Variants in PITPNC1 observed in about 807,000 individuals in gnomAD.
PITPNC1 encodes phosphatidylinositol transfer protein cytoplasmic 1.
In PITPNC1, 18 loss-of-function variants were observed where a neutral mutation model predicts 44.7. The ratio of observed to expected loss-of-function variants is 0.40; its 90% CI spans 0.28 to 0.60. The LOEUF (loss-of-function observed/expected upper bound fraction) is 0.60. PITPNC1 is among the 20% of genes least tolerant of loss of function. The pLI is 0.39. For synonymous variants in PITPNC1, 141 were observed against 149.6 expected (o/e 0.94, Z 0.42); for missense variants, 290 against 418.4 (o/e 0.69, Z 2.68).
intron 1 of PITPNC1, among the ~76,000 whole-genome samples, chr17:67,472,446 G>A (rs551399096): frequency 4.4e-4 from 66 of 149,032 alleles, no homozygotes; most frequent in African/African-American, 1.6e-3. Flanking sequence ...AGGAGATCGA[G>A]ACCATCCTGG....
chr17:67,435,277 A>G (rs2038922029), intron 1 of PITPNC1, among the ~76,000 whole-genome samples: 1 of 152,180 alleles, frequency 6.6e-6, no homozygotes, highest in Non-Finnish European at 1.5e-5. Flanking sequence ...GATAAAAGCC[A>G]CAGAACAGTG....
chr17:67,505,279 A>G (rs1021520012), intron 1 of PITPNC1, among the ~76,000 whole-genome samples: 2 of 152,126 alleles, frequency 1.3e-5, no homozygotes, highest in Admixed American at 6.5e-5. Context: ...TCTTCTGCCT[A>G]GTTGTTCTAT....
At chr17:67,397,396 A>G (rs2038236336) in intron 1 of PITPNC1, among the ~76,000 whole-genome samples, 1 of 152,140 alleles carries the variant, frequency 6.6e-6, no homozygotes, top group Non-Finnish European at 1.5e-5. Flanking sequence ...TCATCTCCAG[A>G]ATGGCCACCT....
chr17:67,432,275 G>T (rs1362056579), intron 1 of PITPNC1, among the ~76,000 whole-genome samples: 1 of 152,144 alleles, frequency 6.6e-6, no homozygotes, highest in Non-Finnish European at 1.5e-5. Context: ...GGATCACGAG[G>T]TCAGGAGATG....
At chr17:67,567,311 C>A (rs1288632191) in intron 4 of PITPNC1, among the ~76,000 whole-genome samples, 1 of 151,880 alleles carries the variant, frequency 6.6e-6, no homozygotes, top group South Asian at 2.1e-4. Flanking sequence ...TGGTAAACCC[C>A]GTTTCTACTA....
In PITPNC1 at chr17:67,532,969, C is replaced by T. The variant is rs538210147; in HGVS notation, c.197+19C>T. ...TCAACAGGTGAGTCATGGCAGCCTG[C>T]GTTCTGCACAGAAGCCCCCTCCCAC... On this transcript the variant is annotated intron_variant, in intron 2 of 8. Coordinates refer to ENST00000581322, the MANE Select transcript of PITPNC1 (RefSeq NM_012417.4). 119 of 1,594,430 alleles carry T rather than the reference C, an allele frequency of 7.5e-5. No individual in the cohort carries two copies. The East Asian group carries it at 2.3e-3, about 30-fold the overall frequency.
rs1306841877 is a variant in PITPNC1, at chr17:67,695,635, TATAA to T, written c.*2751_*2754del. ...ATATATATATATATATATATATAAA[TATAA>T]ATATAGTATAGTGAATCAGACACCA... On this transcript the variant is annotated 3_prime_UTR_variant, in exon 9 of 9. Coordinates refer to ENST00000581322, the MANE Select transcript of PITPNC1 (RefSeq NM_012417.4). The T allele has an allele frequency of 2.0e-5, 3 of 148,448 alleles. No homozygotes were observed. The highest frequency in any genetic ancestry group is 4.9e-5 in the African/African-American group (2 of 40,728). 9.2% of individuals were successfully genotyped at this position (148,448 alleles called of 1,614,324 possible).
intron 4 of PITPNC1, among the ~76,000 whole-genome samples, chr17:67,565,464 G>T (rs1026843903): frequency 1.1e-4 from 16 of 143,582 alleles, no homozygotes; most frequent in African/African-American, 4.1e-4. Flanking sequence ...ATGGTTTTTG[G>T]TGTGTATATT....
chr17:67,493,860 A>G (rs1459409198), intron 1 of PITPNC1, among the ~76,000 whole-genome samples: 1 of 152,254 alleles, frequency 6.6e-6, no homozygotes, highest in Non-Finnish European at 1.5e-5. Flanking sequence ...ACCAGAAAAT[A>G]ACCACAAACC....
At chr17:67,436,222 A>G (rs2038935303) in intron 1 of PITPNC1, among the ~76,000 whole-genome samples, 1 of 152,054 alleles carries the variant, frequency 6.6e-6, no homozygotes, top group Non-Finnish European at 1.5e-5. Flanking sequence ...GCTGGTCTTA[A>G]ATTCCTGGCC....
chr17:67,417,233 G>A (rs1366293537), intron 1 of PITPNC1, among the ~76,000 whole-genome samples: 2 of 152,134 alleles, frequency 1.3e-5, no homozygotes, highest in African/African-American at 4.8e-5. Flanking sequence ...CTGGGCTTGA[G>A]TGATCCTCCT....
At chr17:67,578,591 T>C (rs1424131715) in intron 5 of PITPNC1, among the ~76,000 whole-genome samples, 2 of 152,224 alleles carry the variant, frequency 1.3e-5, no homozygotes, top group Non-Finnish European at 2.9e-5. Flanking sequence ...AGTACACATC[T>C]TCTCAATGCC....
intron 1 of PITPNC1, among the ~76,000 whole-genome samples, chr17:67,400,889 AC>A (rs1323168612): frequency 6.6e-6 from 1 of 151,768 alleles, no homozygotes; most frequent in Admixed American, 6.6e-5. Flanking sequence ...ATTGTTCGTT[AC>A]GCTTTCACCT....
intron 4 of PITPNC1, among the ~76,000 whole-genome samples, chr17:67,574,717 G>A (rs1185043501): frequency 6.6e-6 from 1 of 152,152 alleles, no homozygotes; most frequent in Non-Finnish European, 1.5e-5. Flanking sequence ...CAGAGCCACA[G>A]ATAATTCTGA....
chr17:67,420,621 G>A (rs2038659324), intron 1 of PITPNC1, among the ~76,000 whole-genome samples: 1 of 151,746 alleles, frequency 6.6e-6, no homozygotes, highest in African/African-American at 2.4e-5. Context: ...TAGTAGAGAC[G>A]GGGTTTTGCT....
chr17:67,541,441 G>T (rs2040606256), intron 2 of PITPNC1, among the ~76,000 whole-genome samples: 1 of 149,214 alleles, frequency 6.7e-6, no homozygotes, highest in Non-Finnish European at 1.5e-5. Context: ...GGGTTTAGTT[G>T]ACAATTCAAT....
At chr17:67,538,503 A>G (rs1381033099) in intron 2 of PITPNC1, among the ~76,000 whole-genome samples, 2 of 152,082 alleles carry the variant, frequency 1.3e-5, no homozygotes, top group South Asian at 2.1e-4. Context: ...AGGAGGCTGA[A>G]GTGGGAGGAT....
At chr17:67,380,870 C>T (rs985090595) in intron 1 of PITPNC1, among the ~76,000 whole-genome samples, 3 of 152,030 alleles carry the variant, frequency 2.0e-5, no homozygotes, top group South Asian at 2.1e-4. Context: ...ATCTCCTGGG[C>T]TCAAGTGATC....
At chr17:67,523,520 C>T (rs952694025) in intron 1 of PITPNC1, among the ~76,000 whole-genome samples, 2 of 151,668 alleles carry the variant, frequency 1.3e-5, no homozygotes, top group South Asian at 2.1e-4. Flanking sequence ...ACTTGATTCT[C>T]ACCATGTCTT....
Sources: allele counts gnomAD v4.1 joint callset (sites outside exome capture counted in the v4.1 genomes callset), GRCh38; gene constraint gnomAD v4.1.1; transcripts MANE v1.5; gene names NCBI Gene and HGNC (gene_info 2026-07-23, HGNC 2026-07-21).